The following DPP6 variants were observed in gnomAD, a reference collection of about 807,000 sequenced individuals.
The protein encoded by DPP6 is dipeptidyl peptidase like 6.
DPP6 carries 69 observed loss-of-function variants against 122.6 expected under a neutral mutation model. That is an observed-to-expected ratio of 0.56 (90% CI 0.46 to 0.69). DPP6 has a LOEUF of 0.69. Among genes scored for constraint, DPP6 ranks in the 30% least tolerant of loss-of-function variants. DPP6 has a pLI of 0.00. For synonymous variants in DPP6, 418 were observed against 433.1 expected, an observed-to-expected ratio of 0.97 and a Z score of 0.43; for missense variants, 928 against 1,116.9, an observed-to-expected ratio of 0.83 and a Z score of 2.41.
At chr7:153,936,253 GA>G (rs5888540) in intron 1 of DPP6, among the ~76,000 whole-genome samples, 95,723 of 151,860 alleles carry the variant, frequency 0.63, 30,683 homozygotes, top group African/African-American at 0.75. Context: ...CAGTGATGCA[GA>G]AAAAAACACC....
chr7:154,732,945 C>G (rs1266201044), intron 8 of DPP6, among the ~76,000 whole-genome samples: 2 of 152,204 alleles, frequency 1.3e-5, no homozygotes, highest in African/African-American at 4.8e-5. Context: ...GCCAACAATA[C>G]TCACTTCTGC....
chr7:154,837,987 T>A (rs1462151535), intron 16 of DPP6, among the ~76,000 whole-genome samples: 1 of 152,202 alleles, frequency 6.6e-6, no homozygotes, highest in African/African-American at 2.4e-5. Context: ...TTACATTTTT[T>A]TAAAAATTGT....
At chr7:154,465,357 G>C (rs1228707891) in intron 2 of DPP6, among the ~76,000 whole-genome samples, 1 of 152,112 alleles carries the variant, frequency 6.6e-6, no homozygotes, top group Admixed American at 6.5e-5. Flanking sequence ...AAATTGGCAA[G>C]TGGGATCTAA....
At chr7:154,507,278 T>G (rs547920229) in intron 3 of DPP6, among the ~76,000 whole-genome samples, 1 of 89,744 alleles carries the variant, frequency 1.1e-5, no homozygotes, top group South Asian at 3.8e-4. Context: ...AAACCATAAT[T>G]TTTTTTTTTA....
intron 1 of DPP6, among the ~76,000 whole-genome samples, chr7:153,989,188 TGTGA>T (rs1289254882): frequency 7.4e-6 from 1 of 135,304 alleles, no homozygotes; most frequent in Non-Finnish European, 1.6e-5. Flanking sequence ...AGGGTGTGAG[TGTGA>T]GTGGGTGGGT....
chr7:154,799,828 G>T (rs11770739), intron 12 of DPP6, among the ~76,000 whole-genome samples: 49,358 of 152,034 alleles, frequency 0.32, 8,495 homozygotes, highest in East Asian at 0.49. Context: ...AGGTCCCCTG[G>T]TCAACAATCA....
At chr7:154,485,149 C>T (rs1312722589) in intron 3 of DPP6, among the ~76,000 whole-genome samples, 2 of 152,092 alleles carry the variant, frequency 1.3e-5, no homozygotes, top group Non-Finnish European at 1.5e-5. Context: ...CCATGGCCAG[C>T]AGGGACTTCA....
chr7:154,177,565 T>C (rs1797868133), intron 1 of DPP6, among the ~76,000 whole-genome samples: 1 of 152,230 alleles, frequency 6.6e-6, no homozygotes, highest in African/African-American at 2.4e-5. Flanking sequence ...CTGAGACTTG[T>C]GCTCAAGTCA....
At chr7:154,485,345 G>A (rs891533443) in intron 3 of DPP6, among the ~76,000 whole-genome samples, 5 of 152,186 alleles carry the variant, frequency 3.3e-5, no homozygotes, top group Non-Finnish European at 7.4e-5. Flanking sequence ...TTACATTGGT[G>A]TAAACCACCA....
chr7:154,179,828 T>C (rs1407254865), intron 1 of DPP6, among the ~76,000 whole-genome samples: 1 of 152,178 alleles, frequency 6.6e-6, no homozygotes, highest in African/African-American at 2.4e-5. Flanking sequence ...CTTTCCACCA[T>C]TGTAGTAAGC....
chr7:154,816,638 A>G (rs1038601881), intron 16 of DPP6, among the ~76,000 whole-genome samples: 1 of 152,192 alleles, frequency 6.6e-6, no homozygotes, highest in African/African-American at 2.4e-5. Flanking sequence ...CATCATTGTC[A>G]TCACCTTAGT....
Position 154,241,643 on chromosome 7 carries a change from T to C in DPP6, c.243+188580T>C, listed in dbSNP as rs1226584023. The stretch of plus-strand genomic sequence containing the variant: ...TTTATTCTTATATTGATTAATGTAT[T>C]CTTCCTCAAAATTATATTACTTTCT... On this transcript the variant is annotated intron_variant, in intron 1 of 25. Transcript: ENST00000377770. This position sits in a 1 kb window ranked among gnomAD's most constrained non-coding sequence, Gnocchi z 9.0. Among the ~76,000 whole-genome samples the C allele has an allele frequency of 6.6e-6, 1 of 152,200 alleles. No homozygotes were observed. Among genetic ancestry groups the C allele is most frequent in the Non-Finnish European group, 1.5e-5 (1 of 68,036 alleles).
At chr7:153,873,044 C>T in the DPP6 span, among the ~76,000 whole-genome samples, 1 of 152,192 alleles carries the variant, frequency 6.6e-6, no homozygotes, top group Non-Finnish European at 1.5e-5. Flanking sequence ...TAGCATGGAG[C>T]CAGCATCTGC....
Position 154,241,230 on chromosome 7 carries a change from TAG to T in DPP6, c.243+188181_243+188182del, listed in dbSNP as rs796744725. Among the ~76,000 whole-genome samples the T allele has an allele frequency of 0.015, 2,200 of 149,194 alleles. 25 individuals are homozygous for T. Among genetic ancestry groups the T allele is most frequent in the Non-Finnish European group, 0.018 (1,199 of 67,394 alleles). ...GTGTGTGTGTGTGTGTATATATATA[TAG>T]AGAGAGAGAGAGACACTTTTATCCA... is the stretch of plus-strand genomic sequence containing the variant. On this transcript the variant is annotated intron_variant, in intron 1 of 25. Coordinates refer to ENST00000377770, the MANE Select transcript of DPP6 (RefSeq NM_130797.4). This position sits in a 1 kb window ranked among gnomAD's most constrained non-coding sequence, Gnocchi z 9.0.
intron 1 of DPP6, among the ~76,000 whole-genome samples, chr7:154,192,318 A>T (rs1296278552): frequency 6.6e-6 from 1 of 152,246 alleles, no homozygotes; most frequent in Admixed American, 6.5e-5. Context: ...CCACCTACAA[A>T]TAACTTCTCC....
the DPP6 span, among the ~76,000 whole-genome samples, chr7:153,776,413 T>A: frequency 6.6e-6 from 1 of 152,210 alleles, no homozygotes; most frequent in East Asian, 1.9e-4. Context: ...GCTTGGCACG[T>A]TTCCTTGCTG....
rs73499242 is a variant in DPP6, at chr7:154,510,250, G to A, written c.458-30282G>A. Reference sequence around the variant, plus strand: ...AACCATGAGAAATACTAATGAGGAAGAAATAGAACAAGCATCTCCAGCAAC... The same window carrying A: ...AACCATGAGAAATACTAATGAGGAAAAAATAGAACAAGCATCTCCAGCAAC... On this transcript the variant is annotated intron_variant, in intron 3 of 25. Transcript: ENST00000377770. Among the ~76,000 whole-genome samples, 800 of 152,298 alleles carry A rather than the reference G, an allele frequency of 5.3e-3. 3 individuals carry two copies. The highest frequency in any genetic ancestry group is 0.018 in the African/African-American group (755 of 41,570).
chr7:154,864,890 C>T (rs1803722179), intron 17 of DPP6, among the ~76,000 whole-genome samples: 1 of 152,166 alleles, frequency 6.6e-6, no homozygotes, highest in South Asian at 2.1e-4. Flanking sequence ...TGTTTGGTGG[C>T]CAGCCTGTGT....
At chr7:154,733,516 T>C (rs550615106) in intron 8 of DPP6, among the ~76,000 whole-genome samples, 1 of 152,334 alleles carries the variant, frequency 6.6e-6, no homozygotes, top group African/African-American at 2.4e-5. Context: ...AGTTTTCTGT[T>C]CCAATGAAGT....
Sources: gnomAD v4.1 joint callset for allele counts (sites outside exome capture counted in the v4.1 genomes callset) on GRCh38, gnomAD v4.1.1 for gene constraint, Gnocchi (gnomAD v3.1) non-coding constraint, MANE v1.5 for transcripts, NCBI Gene and HGNC (gene_info 2026-07-23, HGNC 2026-07-21) for gene names.